Variants in UVRAG observed in about 807,000 individuals in gnomAD.
UVRAG encodes UV radiation resistance-associated gene protein.
Under a neutral mutation model 78.0 loss-of-function variants are expected in UVRAG, and 19 were observed. The ratio of observed to expected loss-of-function variants is 0.24; its 90% CI spans 0.17 to 0.36. UVRAG has a LOEUF of 0.36. Among genes scored for constraint, UVRAG ranks in the 10% least tolerant of loss-of-function variants. The pLI is 1.00. For missense variants in UVRAG, 740 were observed against 853.8 expected (o/e 0.87, Z 1.66); for synonymous variants, 323 against 324.6 (o/e 1.00, Z 0.05).
chr11:76,095,527 A>C (rs569264594), intron 13 of UVRAG, among the ~76,000 whole-genome samples: 2 of 150,326 alleles, frequency 1.3e-5, no homozygotes, highest in Admixed American at 1.3e-4. Flanking sequence ...ATTCATATAT[A>C]AATATATGTC....
Position 76,141,226 on chromosome 11 carries a change from T to A in UVRAG, c.1913T>A (p.Leu638Gln). 2 of 1,614,144 alleles carry A rather than the reference T, an allele frequency of 1.2e-6. No homozygotes were observed. Among genetic ancestry groups the A allele is most frequent in the African/African-American group, 2.7e-5 (2 of 75,022 alleles). ...GAGCAAGCAGAAGAAATCATCGGGCTGGAAGCCACAGGTTTCGCCTCAGGT... is the reference window on the plus strand; with the variant it reads ...GAGCAAGCAGAAGAAATCATCGGGCAGGAAGCCACAGGTTTCGCCTCAGGT... ...TVEQAEEIIG[L>Q]EATGFASGDQ... The change falls in exon 15 of 15, where the codon CTG (leucine) becomes CAG (glutamine). Residue 638 changes from leucine to glutamine, a missense_variant. Physicochemically the swap from Leu to Gln is moderately radical, Grantham distance 113. Transcript: ENST00000356136.
intron 5 of UVRAG, among the ~76,000 whole-genome samples, chr11:75,895,649 G>A (rs1303950858): frequency 1.1e-4 from 16 of 147,150 alleles, no homozygotes; most frequent in Non-Finnish European, 1.2e-4. Context: ...TTTTTTAAAG[G>A]AAAAAAAAAT....
At chr11:75,849,299 A>T (rs1946102926) in intron 1 of UVRAG, among the ~76,000 whole-genome samples, 1 of 152,038 alleles carries the variant, frequency 6.6e-6, no homozygotes, top group South Asian at 2.1e-4. Flanking sequence ...AGGTCAGAAG[A>T]TTGAGACCAT....
At chr11:75,940,335 G>T (rs1214988384) in intron 6 of UVRAG, among the ~76,000 whole-genome samples, 2 of 152,188 alleles carry the variant, frequency 1.3e-5, no homozygotes, top group East Asian at 3.9e-4. Flanking sequence ...GACTATAAAG[G>T]TGACCTTAAT....
chr11:76,055,994 C>T (rs1175293295), intron 12 of UVRAG, among the ~76,000 whole-genome samples: 1 of 152,216 alleles, frequency 6.6e-6, no homozygotes, highest in African/African-American at 2.4e-5. Context: ...CAGGCGTGAG[C>T]CACTGTGCCC....
intron 12 of UVRAG, among the ~76,000 whole-genome samples, chr11:76,031,676 G>T (rs1950440902): frequency 6.6e-6 from 1 of 152,160 alleles, no homozygotes; most frequent in Non-Finnish European, 1.5e-5. Context: ...CTAGTTTTCG[G>T]TATACTCAAA....
chr11:76,008,173 G>A (rs961354103), intron 10 of UVRAG, among the ~76,000 whole-genome samples: 5 of 152,074 alleles, frequency 3.3e-5, no homozygotes, highest in Non-Finnish European at 5.9e-5. Flanking sequence ...GCCTCCCAAA[G>A]TGCTCGCATA....
At chr11:75,918,744 C>G (rs1282292437) in intron 6 of UVRAG, among the ~76,000 whole-genome samples, 1 of 152,098 alleles carries the variant, frequency 6.6e-6, no homozygotes, top group Admixed American at 6.5e-5. Context: ...ATAATAAATG[C>G]CATTTCTATT....
intron 13 of UVRAG, among the ~76,000 whole-genome samples, chr11:76,090,877 T>G (rs1028455326): frequency 2.0e-5 from 3 of 152,226 alleles, no homozygotes; most frequent in Admixed American, 2.0e-4. Context: ...GAACTTCTGA[T>G]CTGCTGCAGT....
intron 7 of UVRAG, among the ~76,000 whole-genome samples, chr11:75,978,512 A>G (rs1052642450): frequency 6.6e-6 from 1 of 152,162 alleles, no homozygotes; most frequent in African/African-American, 2.4e-5. Flanking sequence ...CACCAATCAG[A>G]CATAGATTTG....
chr11:76,137,222 C>T, intron 14 of UVRAG: 1 of 402,258 alleles, frequency 2.5e-6, no homozygotes. Context: ...ACACAGCAAA[C>T]TAAGAAAGGG....
At chr11:76,031,898 AC>A (rs1378176989) in intron 12 of UVRAG, among the ~76,000 whole-genome samples, 1 of 152,210 alleles carries the variant, frequency 6.6e-6, no homozygotes, top group Non-Finnish European at 1.5e-5. Flanking sequence ...TTATCATAGG[AC>A]AGCATAGATG....
At chr11:75,847,081 T>A (rs1946050475) in intron 1 of UVRAG, among the ~76,000 whole-genome samples, 1 of 152,108 alleles carries the variant, frequency 6.6e-6, no homozygotes, top group Non-Finnish European at 1.5e-5. Context: ...CACCTCGGCC[T>A]CCCAAAATGC....
intron 12 of UVRAG, among the ~76,000 whole-genome samples, chr11:76,024,710 A>T (rs547626541): frequency 6.6e-6 from 1 of 152,186 alleles, no homozygotes; most frequent in Non-Finnish European, 1.5e-5. Flanking sequence ...TTTTTGGAAT[A>T]ACATGGATGT....
At chr11:75,924,464 C>T (rs1388258126) in intron 6 of UVRAG, among the ~76,000 whole-genome samples, 1 of 151,926 alleles carries the variant, frequency 6.6e-6, no homozygotes, top group Non-Finnish European at 1.5e-5. Context: ...TGGCTCACTG[C>T]AAGCTCTGTC....
At chr11:76,084,225 C>G (rs113485611) in intron 13 of UVRAG, among the ~76,000 whole-genome samples, 3,806 of 152,292 alleles carry the variant, frequency 0.025, 79 homozygotes, top group Non-Finnish European at 0.038. Flanking sequence ...TAGTTTATAT[C>G]TCCTTATTAA....
intron 12 of UVRAG, among the ~76,000 whole-genome samples, chr11:76,061,575 C>G (rs1951096037): frequency 6.6e-6 from 1 of 152,004 alleles, no homozygotes; most frequent in Middle Eastern, 3.2e-3. Flanking sequence ...CACGAACCCA[C>G]CGGGAGGAAC....
chr11:76,053,746 C>T (rs555186527), intron 12 of UVRAG, among the ~76,000 whole-genome samples: 2 of 152,120 alleles, frequency 1.3e-5, no homozygotes, highest in East Asian at 1.9e-4. Context: ...CCAAAGCAGG[C>T]GGATCATGAG....
chr11:75,892,457 A>G, intron 5 of UVRAG: 10 of 929,548 alleles, frequency 1.1e-5, no homozygotes, highest in Non-Finnish European at 1.3e-5. Flanking sequence ...TGCTGGCACT[A>G]TTCTAAACAC....
Sources: gnomAD v4.1 joint callset for allele counts (sites outside exome capture counted in the v4.1 genomes callset) on GRCh38, gnomAD v4.1.1 for gene constraint, MANE v1.5 for transcripts, NCBI Gene and HGNC (gene_info 2026-07-23, HGNC 2026-07-21) for gene names.